RAD17: variants seen among roughly 807,000 people sequenced by gnomAD.
RAD17 encodes the protein cell cycle checkpoint protein RAD17.
RAD17 carries 31 observed loss-of-function variants against 81.5 expected under a neutral mutation model. The ratio of observed to expected loss-of-function variants is 0.38; its 90% CI spans 0.29 to 0.51. The LOEUF is 0.51. Ranked by LOEUF, RAD17 falls within the 20% of genes least tolerant of loss-of-function variation. The probability of loss-of-function intolerance (pLI) is 0.88; values close to 1 mark genes in which losing one functional copy is unlikely to be tolerated. For synonymous variants in RAD17, 261 were observed against 266.2 expected (o/e 0.98, Z 0.19); for missense variants, 681 against 781.2 (o/e 0.87, Z 1.53).
At chr5:69,392,451 C>T (rs17230047) in intron 13 of RAD17, among the ~76,000 whole-genome samples, 133 of 152,270 alleles carry the variant, frequency 8.7e-4, no homozygotes, top group African/African-American at 3.0e-3. Flanking sequence ...AGATGTTTAT[C>T]GCCTTTTCTG....
At position 69,414,437 on chromosome 5, in the gene RAD17, CCTA is replaced by C. The variant is rs1402605552; in HGVS notation, c.*148_*150del. On this transcript the variant is annotated 3_prime_UTR_variant, in exon 19 of 19. Transcript: ENST00000354868. ...TCTTGTAGTATTTCATCACAAGAAA[CCTA>C]CTCTTCTGTCATCTTGAAGTAAATA... 1.5e-5 allele frequency: 14 copies of C among 919,928 alleles called. No individual in the cohort carries two copies. The highest frequency in any genetic ancestry group is 3.4e-5 in the African/African-American group (2 of 59,618). The allele number at this position is 919,928 out of a possible 1,614,324, so 57.0% of individuals were successfully genotyped here.
chr5:69,377,986 G>A (rs1448691957), intron 6 of RAD17, among the ~76,000 whole-genome samples: 4 of 151,746 alleles, frequency 2.6e-5, no homozygotes, highest in African/African-American at 7.3e-5. Flanking sequence ...TTGTAGAGAT[G>A]GGGTCTTATG....
At position 69,384,925 on chromosome 5, in the gene RAD17, C is replaced by A; in HGVS notation, c.637C>A (p.Leu213Met). Residue 213 changes from leucine (L) to methionine (M), a missense_variant, in exon 8 of 19, where the codon CTG becomes ATG. Coordinates refer to ENST00000354868, the MANE Select transcript of RAD17 (RefSeq NM_133338.3). Reference sequence around the variant, plus strand: ...TCTGAGAACTGATAAGAAGATAATTCTGGTTGAAGTAAGGACAACTTTTAA... The same window carrying A: ...TCTGAGAACTGATAAGAAGATAATTATGGTTGAAGTAAGGACAACTTTTAA... ...DDLRTDKKII[L>M]VEDLPNQFYR... The A allele has an allele frequency of 6.3e-7, 1 of 1,575,046 alleles. No homozygotes were observed. Among genetic ancestry groups the A allele is most frequent in the Non-Finnish European group, 8.6e-7 (1 of 1,163,728 alleles).
At chr5:69,393,980 A>C (rs564794694) in intron 15 of RAD17, among the ~76,000 whole-genome samples, 16 of 138,772 alleles carry the variant, frequency 1.2e-4, no homozygotes, top group South Asian at 4.5e-4. Context: ...GTCTTGAACT[A>C]CTGGGTTTAG....
chr5:69,393,340 GCTT>G lies in RAD17; in HGVS notation c.1276-10_1276-8del, dbSNP rs1373551337. 1.3e-6 allele frequency: 2 copies of G among 1,585,440 alleles called. No individual in the cohort carries two copies. On this transcript the variant is annotated splice_polypyrimidine_tract_variant and intron_variant, in intron 14 of 18. Coordinates refer to ENST00000354868, the MANE Select transcript of RAD17 (RefSeq NM_133338.3). The stretch of plus-strand genomic sequence containing the variant: ...ATTTTTACCAAATTTATGTATATAT[GCTT>G]CTTTTTATAGGAGGTAGTAGAAATG...
chr5:69,380,278 A>G (rs1012588946), intron 6 of RAD17, among the ~76,000 whole-genome samples: 1 of 152,200 alleles, frequency 6.6e-6, no homozygotes, highest in Non-Finnish European at 1.5e-5. Context: ...ATTATCAAGC[A>G]TTATGTGTTA....
At chr5:69,407,564 T>TTTTTTTTTTTTTTG (rs1765688994) in intron 17 of RAD17, among the ~76,000 whole-genome samples, 1 of 45,480 alleles carries the variant, frequency 2.2e-5, no homozygotes, top group African/African-American at 1.6e-4. Context: ...ATGTCCAAGT[T>TTTTTTTTTTTTTTG]TTTTTTTTTT....
intron 13 of RAD17, chr5:69,392,665 T>G (rs1242273196): frequency 1.1e-5 from 3 of 284,620 alleles, no homozygotes; most frequent in Non-Finnish European, 2.2e-5. Flanking sequence ...CACTCCTCTG[T>G]CACTGGATCC....
chr5:69,409,043 C>T (rs1454959047), intron 17 of RAD17, among the ~76,000 whole-genome samples: 1 of 152,082 alleles, frequency 6.6e-6, no homozygotes, highest in Non-Finnish European at 1.5e-5. Flanking sequence ...CCAGGGTGCC[C>T]TTTAGGCTTG....
chr5:69,384,776 T>C (rs760023362), intron 7 of RAD17, 21 bp from the exon 8 acceptor site: 28 of 1,584,514 alleles, frequency 1.8e-5, no homozygotes, highest in Non-Finnish European at 2.4e-5. Flanking sequence ...AAAATAAAAG[T>C]GGTTATGTGT....
chr5:69,399,378 A>G (rs1421375459), intron 16 of RAD17, among the ~76,000 whole-genome samples: 1 of 152,194 alleles, frequency 6.6e-6, no homozygotes, highest in Non-Finnish European at 1.5e-5. Flanking sequence ...CAGCTGGTTC[A>G]TTCACTTATA....
rs183829614 is a variant in RAD17, at chr5:69,373,431, G to C, written c.10-399G>C. Among the ~76,000 whole-genome samples, 503 of 152,212 alleles carry C rather than the reference G, an allele frequency of 3.3e-3. 1 individual carries two copies. Among genetic ancestry groups the C allele is most frequent in the African/African-American group, 0.012 (486 of 41,520 alleles). Reference sequence around the variant, plus strand: ...GTAAGATTTTTAGGCCGGGTATGGTGGCTTATACCTTTAATCCCAGCTCTT... The same window carrying C: ...GTAAGATTTTTAGGCCGGGTATGGTCGCTTATACCTTTAATCCCAGCTCTT... On this transcript the variant is annotated intron_variant, in intron 4 of 18. Coordinates refer to ENST00000354868, the MANE Select transcript of RAD17 (RefSeq NM_133338.3).
chr5:69,371,330 G>T, intron 2 of RAD17, 124 bp from the exon 3 acceptor site: 1 of 469,430 alleles, frequency 2.1e-6, no homozygotes, highest in South Asian at 3.6e-5. Flanking sequence ...TAAATTTACT[G>T]TTCTTTTTCA....
intron 6 of RAD17, among the ~76,000 whole-genome samples, chr5:69,377,712 GGGA>G (rs1439778056): frequency 8.1e-5 from 3 of 37,034 alleles, no homozygotes; most frequent in Admixed American, 3.5e-4. Context: ...TATATGTATT[GGGA>G]AAAGTATTTT....
At chr5:69,376,830 T>G (rs1267706584) in intron 6 of RAD17, among the ~76,000 whole-genome samples, 1 of 152,066 alleles carries the variant, frequency 6.6e-6, no homozygotes, top group Non-Finnish European at 1.5e-5. Context: ...CTTGGCTCAC[T>G]GCAACCTCTG....
At chr5:69,405,858 T>C (rs1195439216) in intron 17 of RAD17, among the ~76,000 whole-genome samples, 1 of 151,892 alleles carries the variant, frequency 6.6e-6, no homozygotes, top group Admixed American at 6.6e-5. Context: ...CTGGCAAACA[T>C]GGTGAAACCC....
chr5:69,392,116 C>A, intron 13 of RAD17, 103 bp downstream of exon 13: 1 of 1,033,742 alleles, frequency 9.7e-7, no homozygotes, highest in African/African-American at 1.7e-5. Flanking sequence ...TGGTTCTGCT[C>A]TAAGAGTTAG....
intron 17 of RAD17, among the ~76,000 whole-genome samples, chr5:69,402,722 T>C (rs543738804): frequency 6.6e-6 from 1 of 152,258 alleles, no homozygotes; most frequent in Non-Finnish European, 1.5e-5. Context: ...TGTATATCCT[T>C]CACTAAGTTT....
At chr5:69,405,606 G>A (rs1042457526) in intron 17 of RAD17, among the ~76,000 whole-genome samples, 6 of 151,962 alleles carry the variant, frequency 3.9e-5, no homozygotes, top group Admixed American at 3.3e-4. Flanking sequence ...GGCAGAGGTT[G>A]CAGTGAGCCA....
Sources: gnomAD v4.1 joint callset for allele counts (sites outside exome capture counted in the v4.1 genomes callset) on GRCh38, gnomAD v4.1.1 for gene constraint, MANE v1.5 for transcripts, NCBI Gene and HGNC (gene_info 2026-07-23, HGNC 2026-07-21) for gene names.